The following ACVR1C variants were observed in gnomAD, a reference collection of about 807,000 sequenced individuals.
ACVR1C encodes activin receptor type-1C.
ACVR1C carries 23 observed loss-of-function variants against 57.9 expected under a neutral mutation model. The ratio of observed to expected loss-of-function variants is 0.40; its 90% CI spans 0.29 to 0.56. The LOEUF (loss-of-function observed/expected upper bound fraction) is 0.56. Among genes scored for constraint, ACVR1C ranks in the 20% least tolerant of loss-of-function variants. The pLI is 0.50. For missense variants in ACVR1C, 480 were observed against 607.9 expected (o/e 0.79, Z 2.21); for synonymous variants, 214 against 215.3 (o/e 0.99, Z 0.05).
intron 2 of ACVR1C, among the ~76,000 whole-genome samples, chr2:157,574,890 A>G (rs968079065): frequency 2.6e-5 from 4 of 152,216 alleles, no homozygotes; most frequent in African/African-American, 7.2e-5. Context: ...GGCAGCTGCT[A>G]TAACTCCAAC....
At chr2:157,574,482 A>G (rs1269785362) in intron 2 of ACVR1C, among the ~76,000 whole-genome samples, 1 of 152,210 alleles carries the variant, frequency 6.6e-6, no homozygotes, top group Non-Finnish European at 1.5e-5. Flanking sequence ...GGGGGAACAT[A>G]TTTAGACCAT....
chr2:157,584,174 A>T (rs890755401), intron 2 of ACVR1C, among the ~76,000 whole-genome samples: 7 of 125,462 alleles, frequency 5.6e-5, no homozygotes, highest in Middle Eastern at 4.1e-3. Context: ...AGAAGAAGAT[A>T]AAAAAAAAAA....
Position 157,562,309 on chromosome 2 carries a change from T to C in ACVR1C, c.305-5977A>G, listed in dbSNP as rs577959539. ...ACACCGTCTCAAAAAAAAAAAAATA[T>C]ATATATATATAAAATATATACATAT... is the stretch of plus-strand genomic sequence containing the variant. On this transcript the variant is annotated intron_variant, in intron 2 of 8. Coordinates refer to ENST00000243349, the MANE Select transcript of ACVR1C (RefSeq NM_145259.3). Among the ~76,000 whole-genome samples, 94 of 144,250 alleles carry C rather than the reference T, an allele frequency of 6.5e-4. No homozygotes were observed. The Middle Eastern group carries it at 0.011, about 16-fold the overall frequency. 94.6% of individuals were successfully genotyped at this position (144,250 alleles called of 152,430 possible).
chr2:157,613,374 C>T (rs540229832), intron 1 of ACVR1C, among the ~76,000 whole-genome samples: 3 of 152,232 alleles, frequency 2.0e-5, no homozygotes, highest in African/African-American at 7.2e-5. Flanking sequence ...ATACCTAATG[C>T]TATATAAATA....
At chr2:157,549,286 AC>A (rs1173378951) in intron 4 of ACVR1C, among the ~76,000 whole-genome samples, 1 of 152,046 alleles carries the variant, frequency 6.6e-6, no homozygotes, top group Non-Finnish European at 1.5e-5. Flanking sequence ...AATCGCTTGA[AC>A]CCAGGAGGTG....
At chr2:157,547,087 G>A (rs1328864846) in intron 4 of ACVR1C, among the ~76,000 whole-genome samples, 13 of 138,422 alleles carry the variant, frequency 9.4e-5, no homozygotes, top group Non-Finnish European at 1.7e-4. Flanking sequence ...TTGTTCTTGC[G>A]ATAGTTTACT....
chr2:157,623,490 G>A (rs1013606166), intron 1 of ACVR1C, among the ~76,000 whole-genome samples: 4 of 152,076 alleles, frequency 2.6e-5, no homozygotes, highest in African/African-American at 9.7e-5. Context: ...TATGTTAACT[G>A]AAATAAGCCA....
At position 157,549,752 on chromosome 2, in the gene ACVR1C, G is replaced by A. The variant is rs188126906; in HGVS notation, c.775+410C>T. 4.2e-3 allele frequency among the ~76,000 whole-genome samples: 634 copies of A among 150,732 alleles called. 3 individuals are homozygous for A. The highest frequency in any genetic ancestry group is 0.015 in the African/African-American group (605 of 41,054). On this transcript the variant is annotated intron_variant, in intron 4 of 8. Transcript: ENST00000243349. ...TGTAATCCCAGCACTTTGGGAGGCC[G>A]AGGCGGGCAGATCACGAGGTCAGGA...
rs1252625266 is a variant in ACVR1C at position 157,628,765 on chromosome 2, T to C, written c.-121A>G. 1.2e-6 allele frequency: 1 copy of C among 855,884 alleles called. No homozygotes were observed. Among genetic ancestry groups the C allele is most frequent in the African/African-American group, 1.8e-5 (1 of 54,564 alleles). The allele number at this position is 855,884 out of a possible 1,614,324, so 53.0% of individuals were successfully genotyped here. ...GGGGAGCGCGGCACCGACACCCTTT[T>C]GAAGTGCGCGGTTGGCTCTAGTCAG... is the stretch of plus-strand genomic sequence containing the variant. On this transcript the variant is annotated 5_prime_UTR_variant, in exon 1 of 9. Coordinates refer to ENST00000243349, the MANE Select transcript of ACVR1C (RefSeq NM_145259.3).
chr2:157,590,274 T>A (rs1311194813), intron 1 of ACVR1C, among the ~76,000 whole-genome samples: 1 of 151,952 alleles, frequency 6.6e-6, no homozygotes, highest in Non-Finnish European at 1.5e-5. Context: ...TTAGTAAAAC[T>A]AAAGTCTTTA....
At chr2:157,544,714 A>C in intron 4 of ACVR1C, 102 bp from the exon 5 acceptor site, 1 of 973,362 alleles carries the variant, frequency 1.0e-6, no homozygotes, top group Non-Finnish European at 1.5e-6. Flanking sequence ...AACAAAGCAA[A>C]GTTAATTGCT....
chr2:157,545,271 T>C (rs1687724497), intron 4 of ACVR1C, among the ~76,000 whole-genome samples: 1 of 152,212 alleles, frequency 6.6e-6, no homozygotes, highest in Non-Finnish European at 1.5e-5. Flanking sequence ...CTTTAGCTTT[T>C]GAAATGAAAT....
chr2:157,582,700 A>G (rs921123341), intron 2 of ACVR1C, among the ~76,000 whole-genome samples: 1 of 152,184 alleles, frequency 6.6e-6, no homozygotes, highest in African/African-American at 2.4e-5. Flanking sequence ...ATTCATCATT[A>G]TATTGGCTGT....
At chr2:157,581,486 G>A (rs1688790309) in intron 2 of ACVR1C, among the ~76,000 whole-genome samples, 3 of 152,058 alleles carry the variant, frequency 2.0e-5, no homozygotes, top group Non-Finnish European at 1.5e-5. Flanking sequence ...CCTACTAGGG[G>A]GAGACGGGAG....
At chr2:157,617,647 A>G (rs1312780021) in intron 1 of ACVR1C, among the ~76,000 whole-genome samples, 2 of 152,064 alleles carry the variant, frequency 1.3e-5, no homozygotes. Flanking sequence ...TTATCCAAAA[A>G]GAAAAGTGTT....
At chr2:157,607,057 A>G (rs1682416795) in intron 1 of ACVR1C, among the ~76,000 whole-genome samples, 1 of 151,866 alleles carries the variant, frequency 6.6e-6, no homozygotes, top group Non-Finnish European at 1.5e-5. Context: ...AGCATCATTC[A>G]TTAAAAAGGG....
At chr2:157,535,311 G>A (rs189200714) in intron 8 of ACVR1C, among the ~76,000 whole-genome samples, 6 of 151,948 alleles carry the variant, frequency 3.9e-5, no homozygotes, top group Admixed American at 6.6e-5. Flanking sequence ...CAGTAAACCT[G>A]AGCTCATAAT....
At position 157,567,352 on chromosome 2, in the gene ACVR1C, CA is replaced by C. The variant is rs1191871429; in HGVS notation, c.305-11021del. ...ACGCAGTTCCTCACCAGCAACAGAA[CA>C]AAGCTGGATGGAGAATGATTTTGAC... On this transcript the variant is annotated intron_variant, in intron 2 of 8. Transcript: ENST00000243349. Among the ~76,000 whole-genome samples, 11 of 102,178 alleles carry C rather than the reference CA, an allele frequency of 1.1e-4. 3 individuals carry two copies. The highest frequency in any genetic ancestry group is 2.2e-4 in the Non-Finnish European group (11 of 48,988). 67.0% of individuals were successfully genotyped at this position (102,178 alleles called of 152,430 possible).
chr2:157,594,897 C>T (rs1573943657), intron 1 of ACVR1C, among the ~76,000 whole-genome samples: 1 of 152,148 alleles, frequency 6.6e-6, no homozygotes, highest in East Asian at 1.9e-4. Context: ...TACTTACTGC[C>T]TCAAAATTTT....
Sources: allele counts gnomAD v4.1 joint callset (sites outside exome capture counted in the v4.1 genomes callset), GRCh38; gene constraint gnomAD v4.1.1; transcripts MANE v1.5; gene names NCBI Gene and HGNC (gene_info 2026-07-23, HGNC 2026-07-21).